The following SERPINA11 variants were observed in gnomAD, a reference collection of about 807,000 sequenced individuals.
SERPINA11 encodes the protein serpin family A member 11.
A neutral mutation model predicts 29.4 loss-of-function variants in SERPINA11; 28 were observed. The observed-to-expected ratio is 0.95, with a 90% CI of 0.70 to 1.30. SERPINA11 has a LOEUF of 1.30. Ranked by LOEUF, SERPINA11 falls within the 50% of genes most tolerant of loss-of-function variation. The pLI, the probability that SERPINA11 is intolerant of heterozygous loss-of-function variation, is 0.00. For synonymous variants in SERPINA11, 253 were observed against 206.6 expected, an observed-to-expected ratio of 1.22 and a Z score of -1.92; for missense variants, 530 against 507.3, an observed-to-expected ratio of 1.04 and a Z score of -0.43.
intron 1 of SERPINA11, among the ~76,000 whole-genome samples, chr14:94,451,629 T>C (rs955007973): frequency 2.0e-5 from 3 of 152,206 alleles, no homozygotes; most frequent in African/African-American, 7.2e-5. Context: ...GATTCAATTG[T>C]AAATGAGGGG....
chr14:94,446,708 G>T, intron 2 of SERPINA11, 104 bp from the exon 3 acceptor site: 2 of 1,175,330 alleles, frequency 1.7e-6, no homozygotes, highest in Non-Finnish European at 2.4e-6. Flanking sequence ...CAAGTATGTG[G>T]CAAAAAATGT....
chr14:94,443,284 T>C (rs1898378352), intron 3 of SERPINA11, 59 bp from the exon 4 acceptor site: 2 of 1,550,372 alleles, frequency 1.3e-6, no homozygotes, highest in East Asian at 4.5e-5. Flanking sequence ...CCACTCCTGC[T>C]CTGTCTGTCG....
chr14:94,449,392 CT>C (rs869214312), intron 1 of SERPINA11, among the ~76,000 whole-genome samples: 10 of 37,950 alleles, frequency 2.6e-4, no homozygotes, highest in Admixed American at 4.9e-4. Flanking sequence ...CTCCCTCCCT[CT>C]TTCTTTCTTT....
At position 94,443,827 on chromosome 14, in the gene SERPINA11, C is replaced by T. The variant is rs951651954; in HGVS notation, c.918-602G>A. ...GGGCACAAATGAACTCCTGCTTCTG[C>T]GTTTGGAGCATCTTTACCATCTGAT... On this transcript the variant is annotated intron_variant, in intron 3 of 4. Transcript: ENST00000334708. Among the ~76,000 whole-genome samples, 4 of 152,190 alleles carry T rather than the reference C, an allele frequency of 2.6e-5. No individual in the cohort carries two copies. The East Asian group carries it at 5.8e-4, about 22-fold the overall frequency.
chr14:94,442,824 G>A lies in SERPINA11; in HGVS notation c.1066-15C>T, dbSNP rs189825176. Reference sequence around the variant, plus strand: ...TTGTGTGACACCTAGAGGACAAGAGGAGATGAAGACAGCATCAGTTTGGGG... The same window carrying A: ...TTGTGTGACACCTAGAGGACAAGAGAAGATGAAGACAGCATCAGTTTGGGG... On this transcript the variant is annotated splice_polypyrimidine_tract_variant and intron_variant, in intron 4 of 4. Coordinates refer to ENST00000334708, the MANE Select transcript of SERPINA11 (RefSeq NM_001080451.2). 1.7e-5 allele frequency: 27 copies of A among 1,586,540 alleles called. No homozygotes were observed. In the East Asian group the frequency reaches 4.9e-4, roughly 29 times the overall value.
rs79912667 is a variant in SERPINA11, at chr14:94,450,615, G to T, written c.-3-1838C>A. Among the ~76,000 whole-genome samples, 705 of 152,308 alleles carry T rather than the reference G, an allele frequency of 4.6e-3. 5 individuals are homozygous for T. Among genetic ancestry groups the T allele is most frequent in the African/African-American group, 0.016 (673 of 41,556 alleles). On this transcript the variant is annotated intron_variant, in intron 1 of 4. Coordinates refer to ENST00000334708, the MANE Select transcript of SERPINA11 (RefSeq NM_001080451.2). ...GAACTGTGAGTCAAAAATTTCTGTTGTTTAAGCTGCCTGGCATGTAGTATT... is the reference window on the plus strand; with the variant it reads ...GAACTGTGAGTCAAAAATTTCTGTTTTTTAAGCTGCCTGGCATGTAGTATT...
chr14:94,445,907 T>C (rs1429946980), intron 3 of SERPINA11, among the ~76,000 whole-genome samples: 1 of 152,162 alleles, frequency 6.6e-6, no homozygotes, highest in Non-Finnish European at 1.5e-5. Flanking sequence ...CTGATCTGAT[T>C]TTTTTTGCTG....
chr14:94,445,658 T>G lies in SERPINA11; in HGVS notation c.917+673A>C, dbSNP rs1443666618. 3.3e-5 allele frequency among the ~76,000 whole-genome samples: 5 copies of G among 152,290 alleles called. No homozygotes were observed. In the East Asian group the frequency reaches 9.6e-4, roughly 29 times the overall value. On this transcript the variant is annotated intron_variant, in intron 3 of 4. Transcript: ENST00000334708. ...ATCATAGCTCACTGTAACCTCAAAT[T>G]CCTGGGCTCAGGTGATCCTCTTTCC...
chr14:94,448,288 C>A lies in SERPINA11; in HGVS notation c.487G>T (p.Ala163Ser). 6.2e-7 allele frequency: 1 copy of A among 1,614,262 alleles called. No individual in the cohort carries two copies. Among genetic ancestry groups the A allele is most frequent in the Admixed American group, 1.7e-5 (1 of 60,036 alleles). ...YLDSIKELYG[A>S]FAFSANFTDS... is the part of the protein sequence containing the mutation. ...GTGAAGTTGGCAGAAAAAGCAAAAG[C>A]TCCATAAAGCTCCTTGATGCTGTCC... The change falls in exon 2 of 5, where the codon GCT becomes TCT. Residue 163 changes from alanine to serine, a missense_variant. By Grantham distance (99) the Ala-to-Ser change is moderately conservative. Transcript: ENST00000334708.
chr14:94,443,234 A>T lies in SERPINA11; in HGVS notation c.918-9T>A, dbSNP rs778875358. On this transcript the variant is annotated splice_polypyrimidine_tract_variant and intron_variant, in intron 3 of 4. Transcript: ENST00000334708. ...AGTGCAAATCCAACAGACTGGAGAGAGAAACAGACAGAGAAATGGTGCTCT... is the reference window on the plus strand; with the variant it reads ...AGTGCAAATCCAACAGACTGGAGAGTGAAACAGACAGAGAAATGGTGCTCT... 1.7e-5 allele frequency: 27 copies of T among 1,609,624 alleles called. No homozygotes were observed. The highest frequency in any genetic ancestry group is 2.7e-5 in the African/African-American group (2 of 74,784).
At chr14:94,451,255 A>T (rs1189551183) in intron 1 of SERPINA11, among the ~76,000 whole-genome samples, 1 of 152,176 alleles carries the variant, frequency 6.6e-6, no homozygotes, top group African/African-American at 2.4e-5. Flanking sequence ...GTCAGGAGGG[A>T]CGAATGTGGT....
chr14:94,449,441 C>CT (rs1211719807), intron 1 of SERPINA11, among the ~76,000 whole-genome samples: 2 of 107,216 alleles, frequency 1.9e-5, no homozygotes, highest in African/African-American at 1.1e-4. Flanking sequence ...TTCTTTCTTT[C>CT]TTTCTTTCTT....
chr14:94,445,873 A>G (rs1007884814), intron 3 of SERPINA11, among the ~76,000 whole-genome samples: 4 of 152,146 alleles, frequency 2.6e-5, no homozygotes, highest in African/African-American at 9.7e-5. Flanking sequence ...TGCTGCACCC[A>G]GCCATGATTA....
At chr14:94,447,578 G>C (rs759847701) in intron 2 of SERPINA11, among the ~76,000 whole-genome samples, 1 of 152,162 alleles carries the variant, frequency 6.6e-6, no homozygotes, top group Non-Finnish European at 1.5e-5. Context: ...AAAGTCTTCG[G>C]CAATTCTAAG....
chr14:94,447,139 A>G (rs1566783537), intron 2 of SERPINA11, among the ~76,000 whole-genome samples: 1 of 152,166 alleles, frequency 6.6e-6, no homozygotes, highest in Non-Finnish European at 1.5e-5. Context: ...CAACTCCCTA[A>G]TCTTCAAACT....
Position 94,442,496 on chromosome 14 carries a change from C to T in SERPINA11, c.*110G>A, listed in dbSNP as rs558685940. On this transcript the variant is annotated 3_prime_UTR_variant, in exon 5 of 5. Transcript: ENST00000334708. ...AACCCAAGGTCAACTTTATTAGAAT[C>T]TTGGCACACTGATTAACTGAACCAC... is the stretch of plus-strand genomic sequence containing the variant. The T allele has an allele frequency of 1.3e-6, 1 of 748,558 alleles. No individual in the cohort carries two copies. Among genetic ancestry groups the T allele is most frequent in the South Asian group, 1.9e-5 (1 of 52,994 alleles). The allele number at this position is 748,558 out of a possible 1,614,324, so 46.4% of individuals were successfully genotyped here. A position where few individuals can be genotyped will look rare whatever the true frequency, so the allele number is the denominator to read the frequency against.
chr14:94,446,142 G>T (rs891435183), intron 3 of SERPINA11, among the ~76,000 whole-genome samples, 189 bp downstream of exon 3: 1 of 152,120 alleles, frequency 6.6e-6, no homozygotes, highest in South Asian at 2.1e-4. Flanking sequence ...AATGAGGCAG[G>T]TATCATGTTC....
In SERPINA11 at chr14:94,443,239, C is replaced by A. The variant is rs1217944722; in HGVS notation, c.918-14G>T. On this transcript the variant is annotated splice_polypyrimidine_tract_variant and intron_variant, in intron 3 of 4. Transcript: ENST00000334708. Reference sequence around the variant, plus strand: ...AAATCCAACAGACTGGAGAGAGAAACAGACAGAGAAATGGTGCTCTCTTGT... The same window carrying A: ...AAATCCAACAGACTGGAGAGAGAAAAAGACAGAGAAATGGTGCTCTCTTGT... 1 of 1,609,066 alleles carries A rather than the reference C, an allele frequency of 6.2e-7. No homozygotes were observed. Among genetic ancestry groups the A allele is most frequent in the Admixed American group, 1.7e-5 (1 of 59,592 alleles).
intron 1 of SERPINA11, among the ~76,000 whole-genome samples, chr14:94,449,390 C>CTCTTTTTTCTT (rs1555373597): frequency 2.1e-5 from 2 of 97,110 alleles, no homozygotes; most frequent in African/African-American, 5.6e-5. Flanking sequence ...GCCTCCCTCC[C>CTCTTTTTTCTT]TCTTTCTTTC....
Sources: gnomAD v4.1 joint callset for allele counts (sites outside exome capture counted in the v4.1 genomes callset) on GRCh38, gnomAD v4.1.1 for gene constraint, MANE v1.5 for transcripts, NCBI Gene and HGNC (gene_info 2026-07-23, HGNC 2026-07-21) for gene names.